Variants in BBOF1 observed in about 807,000 individuals in gnomAD.
BBOF1 encodes the protein basal body-orientation factor 1.
BBOF1 carries 62 observed loss-of-function variants against 68.0 expected under a neutral mutation model. The observed-to-expected ratio is 0.91, with a 90% CI of 0.74 to 1.13. The LOEUF is 1.13. BBOF1 is among the 50% of genes most tolerant of loss of function. The pLI, the probability that BBOF1 is intolerant of heterozygous loss-of-function variation, is 0.00. For synonymous variants in BBOF1, 208 were observed against 198.8 expected, an observed-to-expected ratio of 1.05 and a Z score of -0.39; for missense variants, 534 against 600.1, an observed-to-expected ratio of 0.89 and a Z score of 1.15.
At chr14:74,031,443 T>C (rs2059567213) in intron 3 of BBOF1, among the ~76,000 whole-genome samples, 1 of 152,156 alleles carries the variant, frequency 6.6e-6, no homozygotes, top group Admixed American at 6.6e-5. Context: ...GTGATGATTA[T>C]TGTGTGGATA....
Position 74,046,113 on chromosome 14 carries a change from C to G in BBOF1, c.630C>G (p.Ala210=). ...EKKIIMLAER[A]HHEAIVQLND... is the part of the protein sequence containing the mutation. ...AGATAATAATGCTAGCAGAGAGAGC[C>G]CACCATGAGGCTATTGTGTAAGAGA... Residue 210 remains alanine, a synonymous_variant, in exon 6 of 12, where the codon GCC becomes GCG. Transcript: ENST00000394009. 6.2e-7 allele frequency: 1 copy of G among 1,607,882 alleles called. No individual in the cohort carries two copies. Among genetic ancestry groups the G allele is most frequent in the Non-Finnish European group, 8.5e-7 (1 of 1,177,138 alleles).
At chr14:74,051,420 C>A (rs1193494401) in intron 8 of BBOF1, among the ~76,000 whole-genome samples, 2 of 151,384 alleles carry the variant, frequency 1.3e-5, no homozygotes, top group Non-Finnish European at 2.9e-5. Context: ...TTCAAAAAAA[C>A]AAACAAACAA....
At chr14:74,056,750 C>G (rs1350665812) in intron 9 of BBOF1, 156 bp from the exon 10 acceptor site, 4 of 609,078 alleles carry the variant, frequency 6.6e-6, no homozygotes, top group Non-Finnish European at 1.2e-5. Flanking sequence ...CATTGCATGC[C>G]TGTATCAAAA....
intron 11 of BBOF1, chr14:74,059,295 A>G (rs1187368078): frequency 2.3e-6 from 1 of 433,160 alleles, no homozygotes; most frequent in Non-Finnish European, 4.6e-6. Context: ...TTGGCAAGTA[A>G]TAGCAGGTTA....
rs751774709 is a variant in BBOF1, at chr14:74,065,193, C to T, written c.*494C>T. ...TCTGTTCACGAACCTGTCCAACATC[C>T]ACCAAGTGGGCATATTTCCGAGCAG... On this transcript the variant is annotated 3_prime_UTR_variant, in exon 12 of 12. Transcript: ENST00000394009. 1 of 1,614,108 alleles carries T rather than the reference C, an allele frequency of 6.2e-7. No homozygotes were observed. The highest frequency in any genetic ancestry group is 1.1e-5 in the South Asian group (1 of 91,076).
rs761883187 is a variant in BBOF1 at position 74,071,904 on chromosome 14, C to T, written n.1380-6292C>T. On this transcript the variant is annotated intron_variant and non_coding_transcript_variant, in intron 9 of 12. Transcript: ENST00000492026. ...AGGGGCTCCCAGCTTACGAAGGCCT[C>T]GAAATACATCTCCTTCAGCATCAGC... 28 of 1,614,064 alleles carry T rather than the reference C, an allele frequency of 1.7e-5. No homozygotes were observed. The highest frequency in any genetic ancestry group is 2.2e-5 in the Non-Finnish European group (26 of 1,180,026).
At chr14:74,063,132 T>A (rs576008317) in intron 11 of BBOF1, among the ~76,000 whole-genome samples, 4 of 152,142 alleles carry the variant, frequency 2.6e-5, no homozygotes, top group Non-Finnish European at 4.4e-5. Flanking sequence ...GTGCCATGCT[T>A]CTTCCTGCCT....
chr14:74,046,021 AG>A lies in BBOF1; in HGVS notation c.577-35del, dbSNP rs752283720. ...CTTTTGATGAGTAAAATTTGTTGTT[AG>A]GGGCATAATTATTTAAGCAGCCCAT... On this transcript the variant is annotated intron_variant, in intron 5 of 11. Transcript: ENST00000394009. 6.5e-5 allele frequency: 100 copies of A among 1,543,476 alleles called. No homozygotes were observed. The East Asian group carries it at 2.2e-3, about 34-fold the overall frequency.
chr14:74,047,869 T>A, intron 6 of BBOF1, 61 bp from the exon 7 acceptor site: 1 of 1,460,108 alleles, frequency 6.8e-7, no homozygotes, highest in Non-Finnish European at 9.2e-7. Flanking sequence ...AGCAATCATT[T>A]TTCTATTTTG....
At chr14:74,067,618 C>G, downstream of BBOF1, 1 of 1,595,224 alleles carries the variant, frequency 6.3e-7, no homozygotes, top group Non-Finnish European at 8.6e-7. Context: ...CCAAATACAA[C>G]TAAGCTAAGA....
chr14:74,040,892 G>C, intron 5 of BBOF1: 1 of 479,190 alleles, frequency 2.1e-6, no homozygotes, highest in Non-Finnish European at 3.6e-6. Context: ...GTCTCCCTCA[G>C]CTTGATACTC....
chr14:74,047,969 T>A lies in BBOF1; in HGVS notation c.687T>A (p.Asn229Lys). 6.2e-7 allele frequency: 1 copy of A among 1,611,550 alleles called. No individual in the cohort carries two copies. ...CTGGAAGAAATGTTTTTAAAGAGAA[T>A]GATTATCTTCAGAAAGCTCTGGCAT... is the stretch of plus-strand genomic sequence containing the variant. Reference protein sequence around the residue: ...NDAGRNVFKENDYLQKALAYH... With the variant: ...NDAGRNVFKEKDYLQKALAYH... The change falls in exon 7 of 12, where the codon AAT becomes AAA. Residue 229 changes from asparagine (N) to lysine (K), a missense_variant. Transcript: ENST00000394009.
chr14:74,049,101 T>C (rs919611705), intron 7 of BBOF1, among the ~76,000 whole-genome samples: 17 of 152,106 alleles, frequency 1.1e-4, no homozygotes, highest in African/African-American at 4.1e-4. Context: ...CTCGAACTCC[T>C]GACCTCAGGT....
intron 9 of BBOF1, among the ~76,000 whole-genome samples, chr14:74,076,084 T>TG (rs2060609939): frequency 6.6e-6 from 1 of 152,184 alleles, no homozygotes; most frequent in African/African-American, 2.4e-5. Flanking sequence ...GGAAACTTTT[T>TG]GGGGTGATGG....
chr14:74,067,006 AG>A, downstream of BBOF1: 1 of 955,212 alleles, frequency 1.0e-6, no homozygotes, highest in Non-Finnish European at 1.6e-6. Flanking sequence ...GCTTGAGCCC[AG>A]GAGTTCCAGA....
At chr14:74,078,093 G>A (rs4903178) in intron 9 of BBOF1, 102,132 of 423,052 alleles carry the variant, frequency 0.24, 14,884 homozygotes, top group South Asian at 0.45. Flanking sequence ...AACACTTATT[G>A]TTTATTTTCA....
chr14:74,023,714 G>A (rs753107624), intron 2 of BBOF1, among the ~76,000 whole-genome samples: 2 of 151,988 alleles, frequency 1.3e-5, no homozygotes, highest in African/African-American at 4.8e-5. Context: ...CCAGGAGTTC[G>A]TGACCAGCCT....
At chr14:74,078,737 C>T (rs148958881) in intron 10 of BBOF1, among the ~76,000 whole-genome samples, 1,591 of 151,886 alleles carry the variant, frequency 0.01, 38 homozygotes, top group Middle Eastern at 0.027. Context: ...ACATGTTGGC[C>T]AGGCTGGTCT....
intron 9 of BBOF1, among the ~76,000 whole-genome samples, chr14:74,074,438 C>T (rs921249973): frequency 1.3e-5 from 2 of 151,778 alleles, no homozygotes; most frequent in African/African-American, 4.8e-5. Flanking sequence ...AGGTGCGTGC[C>T]ACCATGCCCA....
Sources: allele counts gnomAD v4.1 joint callset (sites outside exome capture counted in the v4.1 genomes callset), GRCh38; gene constraint gnomAD v4.1.1; transcripts MANE v1.5; gene names NCBI Gene and HGNC (gene_info 2026-07-23, HGNC 2026-07-21).